CPED1: variants seen among roughly 807,000 people sequenced by gnomAD.
The protein encoded by CPED1 is cadherin-like and PC-esterase domain-containing protein 1.
Under a neutral mutation model 128.2 loss-of-function variants are expected in CPED1, and 114 were observed. The observed-to-expected ratio is 0.89, with a 90% confidence interval of 0.76 to 1.04. The LOEUF (loss-of-function observed/expected upper bound fraction) is 1.04, where lower values mean the gene tolerates loss of function less well. Ranked by LOEUF, CPED1 falls within the 50% of genes least tolerant of loss-of-function variation. The probability of loss-of-function intolerance (pLI) is 0.00; values close to 1 mark genes in which losing one functional copy is unlikely to be tolerated. For synonymous variants in CPED1, 462 were observed against 426.7 expected, an observed-to-expected ratio of 1.08 and a Z score of -1.02; for missense variants, 1,211 against 1,207.1, an observed-to-expected ratio of 1.00 and a Z score of -0.05.
At chr7:121,046,590 A>G (rs376212466) in intron 3 of CPED1, among the ~76,000 whole-genome samples, 1 of 152,010 alleles carries the variant, frequency 6.6e-6, no homozygotes, top group East Asian at 1.9e-4. Flanking sequence ...AAGGTATTCT[A>G]ATTTCAATCT....
chr7:121,281,079 T>TA (rs1792451573), intron 22 of CPED1, among the ~76,000 whole-genome samples: 1 of 152,208 alleles, frequency 6.6e-6, no homozygotes, highest in South Asian at 2.1e-4. Flanking sequence ...ACTTGCACCA[T>TA]AAAAATTGTT....
At chr7:121,077,894 T>A (rs1188780565) in intron 5 of CPED1, among the ~76,000 whole-genome samples, 1 of 152,082 alleles carries the variant, frequency 6.6e-6, no homozygotes, top group East Asian at 1.9e-4. Context: ...AAGTGTTTTT[T>A]ACACCTCACT....
At chr7:121,142,234 G>T in intron 16 of CPED1, 93 bp downstream of exon 16, 1 of 1,185,202 alleles carries the variant, frequency 8.4e-7, no homozygotes, top group Non-Finnish European at 1.2e-6. Context: ...ACAAGAAATT[G>T]TATGCCTTGA....
chr7:121,057,159 T>C lies in CPED1; in HGVS notation c.541-7079T>C, dbSNP rs145428661. Among the ~76,000 whole-genome samples the C allele has an allele frequency of 4.1e-3, 631 of 152,210 alleles. 6 individuals are homozygous for C. Among genetic ancestry groups the C allele is most frequent in the Middle Eastern group, 0.017 (5 of 292 alleles). On this transcript the variant is annotated intron_variant, in intron 4 of 22. Transcript: ENST00000310396. ...GACTCAGCTAATTTTTTTGTATTTT[T>C]AGTAGAGATGAGGTTTCATCATCTT...
chr7:121,183,740 C>A (rs556095328), intron 16 of CPED1, among the ~76,000 whole-genome samples: 1 of 152,252 alleles, frequency 6.6e-6, no homozygotes, highest in South Asian at 2.1e-4. Context: ...GCTTTCAATG[C>A]TGGTTTATAA....
chr7:121,247,232 C>G (rs1245760952), intron 18 of CPED1, among the ~76,000 whole-genome samples: 1 of 152,154 alleles, frequency 6.6e-6, no homozygotes, highest in Admixed American at 6.5e-5. Flanking sequence ...CCAACGCATA[C>G]CTACAAACAT....
chr7:121,169,367 G>A (rs1018361338), intron 16 of CPED1, among the ~76,000 whole-genome samples: 3 of 152,116 alleles, frequency 2.0e-5, no homozygotes, highest in East Asian at 1.9e-4. Context: ...CCTATTTCCC[G>A]TTTTAAAAAT....
chr7:121,074,509 G>GTTTTTTTTT (rs1157885862), intron 5 of CPED1, among the ~76,000 whole-genome samples: 23,118 of 80,254 alleles, frequency 0.29, 5,193 homozygotes, highest in Middle Eastern at 0.5. Flanking sequence ...TTTCCTTTGT[G>GTTTTTTTTT]TTTTTTTTTT....
At chr7:121,097,201 A>G (rs1794721184) in intron 5 of CPED1, among the ~76,000 whole-genome samples, 2 of 152,176 alleles carry the variant, frequency 1.3e-5, no homozygotes, top group African/African-American at 2.4e-5. Flanking sequence ...TTAAAATCCA[A>G]TAATTAATAT....
At position 121,128,422 on chromosome 7, in the gene CPED1, T is replaced by C. The variant is rs146098402; in HGVS notation, c.1343T>C (p.Leu448Ser). The C allele has an allele frequency of 1.1e-3, 1,843 of 1,603,442 alleles. 2 individuals are homozygous for C. The highest frequency in any genetic ancestry group is 3.8e-3 in the Middle Eastern group (23 of 6,026). Residue 448 changes from leucine to serine, a missense_variant, in exon 11 of 23, where the codon TTA becomes TCA. Coordinates refer to ENST00000310396, the MANE Select transcript of CPED1 (RefSeq NM_024913.5). ...AAGGAACTAAATCAGTGTCTGTCCT[T>C]AGAAGAAATTAACTCAATTATGACT... ...YQKELNQCLS[L>S]EEINSIMTFI... is the part of the protein sequence containing the mutation.
At position 121,099,858 on chromosome 7, in the gene CPED1, G is replaced by C. The variant is rs1334467700; in HGVS notation, c.750-68G>C. 23 of 1,516,740 alleles carry C rather than the reference G, an allele frequency of 1.5e-5. No individual in the cohort carries two copies. The Admixed American group carries it at 4.1e-4, about 27-fold the overall frequency. 94.0% of individuals were successfully genotyped at this position (1,516,740 alleles called of 1,614,324 possible). A position where few individuals can be genotyped will look rare whatever the true frequency, so the allele number is the denominator to read the frequency against. On this transcript the variant is annotated intron_variant, in intron 6 of 22. Transcript: ENST00000310396. ...ATAGAAGCAGTTTACAAAGCTTGTA[G>C]GTAATTTACAAATTATGTACTCAAC...
At chr7:121,014,581 A>G (rs1008953869) in intron 2 of CPED1, among the ~76,000 whole-genome samples, 1 of 151,376 alleles carries the variant, frequency 6.6e-6, no homozygotes, top group African/African-American at 2.4e-5. Context: ...TAATAATAAA[A>G]TAAAATAAAT....
intron 18 of CPED1, among the ~76,000 whole-genome samples, chr7:121,265,546 A>G (rs1288708301): frequency 1.3e-5 from 2 of 152,096 alleles, no homozygotes; most frequent in Non-Finnish European, 2.9e-5. Flanking sequence ...TTGGAAATTT[A>G]TTGCAGCAAT....
intron 13 of CPED1, among the ~76,000 whole-genome samples, chr7:121,134,726 A>C (rs1381527299): frequency 2.0e-5 from 3 of 152,070 alleles, no homozygotes; most frequent in Admixed American, 6.6e-5. Flanking sequence ...AATTAAAATA[A>C]AACTTTAAAA....
At chr7:120,995,497 T>A (rs951658116) in intron 2 of CPED1, among the ~76,000 whole-genome samples, 3 of 152,252 alleles carry the variant, frequency 2.0e-5, no homozygotes, top group Non-Finnish European at 4.4e-5. Context: ...GATGAATGTA[T>A]CAGTTTTGCC....
At chr7:121,050,759 C>T (rs780980881) in intron 4 of CPED1, 19 of 453,594 alleles carry the variant, frequency 4.2e-5, no homozygotes, top group African/African-American at 1.0e-4. Context: ...CCACCGTGCC[C>T]GGCCACAGGT....
intron 16 of CPED1, among the ~76,000 whole-genome samples, chr7:121,183,592 T>C (rs919493283): frequency 6.6e-6 from 1 of 152,174 alleles, no homozygotes; most frequent in Non-Finnish European, 1.5e-5. Flanking sequence ...GGTAAGTGGA[T>C]GAATAGCTAT....
At chr7:121,036,975 T>C (rs978932829) in intron 3 of CPED1, among the ~76,000 whole-genome samples, 1 of 152,182 alleles carries the variant, frequency 6.6e-6, no homozygotes, top group Non-Finnish European at 1.5e-5. Context: ...TGGCCCACTT[T>C]TTGATGGGAC....
Position 121,295,411 on chromosome 7 carries a change from C to T in CPED1, c.2869-29C>T, listed in dbSNP as rs1562865983. On this transcript the variant is annotated intron_variant, in intron 22 of 22. Coordinates refer to ENST00000310396, the MANE Select transcript of CPED1 (RefSeq NM_024913.5). ...AGGGATTGGATATTCTTGATTTTGC[C>T]TCACAGTTTTCTTGCTCTTCATTTA... The T allele has an allele frequency of 1.9e-6, 3 of 1,588,338 alleles. No homozygotes were observed. In the South Asian group the frequency reaches 3.4e-5, roughly 18 times the overall value.
Sources: allele counts gnomAD v4.1 joint callset (sites outside exome capture counted in the v4.1 genomes callset), GRCh38; gene constraint gnomAD v4.1.1; transcripts MANE v1.5; gene names NCBI Gene and HGNC (gene_info 2026-07-23, HGNC 2026-07-21).